Variants in BTAF1 observed in about 807,000 individuals in gnomAD.
BTAF1 encodes the protein TATA-binding protein-associated factor 172.
Under a neutral mutation model 227.1 loss-of-function variants are expected in BTAF1, and 38 were observed. That is an observed-to-expected ratio of 0.17 (90% CI 0.13 to 0.22). The LOEUF (loss-of-function observed/expected upper bound fraction) is 0.22. Ranked by LOEUF, BTAF1 falls within the 10% of genes least tolerant of loss-of-function variation. BTAF1 has a pLI of 1.00. For synonymous variants in BTAF1, 742 were observed against 751.9 expected, an observed-to-expected ratio of 0.99 and a Z score of 0.21; for missense variants, 1,598 against 2,204.0, an observed-to-expected ratio of 0.73 and a Z score of 5.51.
intron 35 of BTAF1, among the ~76,000 whole-genome samples, chr10:92,025,678 A>G (rs113313068): frequency 3.7e-4 from 57 of 152,096 alleles, no homozygotes; most frequent in African/African-American, 1.4e-3. Flanking sequence ...GTGGTGGCAC[A>G]TGCCTGTAAT....
chr10:91,933,657 TAA>T (rs2133783328), intron 1 of BTAF1, among the ~76,000 whole-genome samples: 1 of 152,334 alleles, frequency 6.6e-6, no homozygotes, highest in South Asian at 2.1e-4. Context: ...ATTTGGAGCC[TAA>T]GAGTTCATTG....
chr10:92,003,016 G>A (rs1054187938), intron 25 of BTAF1, among the ~76,000 whole-genome samples: 2 of 152,044 alleles, frequency 1.3e-5, no homozygotes, highest in African/African-American at 4.8e-5. Context: ...AGTTAGCTGG[G>A]CATGGTGGCA....
At chr10:91,991,775 A>ATG (rs376156562) in intron 20 of BTAF1, among the ~76,000 whole-genome samples, 56 of 81,484 alleles carry the variant, frequency 6.9e-4, no homozygotes, top group African/African-American at 3.6e-3. Flanking sequence ...AATTATATAT[A>ATG]TGTGTGTGTG....
intron 6 of BTAF1, among the ~76,000 whole-genome samples, chr10:91,955,449 G>A (rs1383031481): frequency 2.6e-5 from 4 of 152,046 alleles, no homozygotes; most frequent in African/African-American, 7.2e-5. Context: ...ATATATGTGT[G>A]TATATATATA....
At chr10:91,957,433 C>T (rs1846181644) in intron 8 of BTAF1, 140 bp downstream of exon 8, 1 of 495,790 alleles carries the variant, frequency 2.0e-6, no homozygotes, top group South Asian at 4.9e-5. Flanking sequence ...TATCATTGAC[C>T]TAAATAGAAA....
At chr10:91,977,601 G>A (rs1457362253) in intron 14 of BTAF1, among the ~76,000 whole-genome samples, 1 of 152,134 alleles carries the variant, frequency 6.6e-6, no homozygotes, top group Non-Finnish European at 1.5e-5. Context: ...ATATCAAGAA[G>A]CACAATTGCT....
At chr10:91,970,840 T>TAAGCTGA (rs938055603) in intron 14 of BTAF1, among the ~76,000 whole-genome samples, 4 of 152,196 alleles carry the variant, frequency 2.6e-5, no homozygotes, top group African/African-American at 9.6e-5. Context: ...AAAGACAAAC[T>TAAGCTGA]AAGCTGAAAG....
Position 92,007,982 on chromosome 10 carries a change from A to G in BTAF1, c.3661-141A>G, listed in dbSNP as rs372704253. On this transcript the variant is annotated intron_variant, in intron 25 of 37. Transcript: ENST00000265990. ...ATTGTAGCACCTTTAATGCTTGTCA[A>G]TTTCTTTAACCTGATTTGTCTTCAA... The G allele has an allele frequency of 6.3e-5, 47 of 743,262 alleles. 1 individual carries two copies. Among genetic ancestry groups the G allele is most frequent in the African/African-American group, 2.0e-4 (11 of 53,900 alleles). The allele number at this position is 743,262 out of a possible 1,614,324, so 46.0% of individuals were successfully genotyped here. A position where few individuals can be genotyped will look rare whatever the true frequency, so the allele number is the denominator to read the frequency against.
At chr10:92,007,322 G>A (rs774767176) in intron 25 of BTAF1, among the ~76,000 whole-genome samples, 2 of 144,538 alleles carry the variant, frequency 1.4e-5, no homozygotes, top group East Asian at 2.1e-4. Flanking sequence ...AGGTTCAAGC[G>A]ATTCTCCTGC....
intron 25 of BTAF1, among the ~76,000 whole-genome samples, chr10:92,002,161 C>T (rs894283925): frequency 3.3e-5 from 5 of 152,140 alleles, no homozygotes; most frequent in Non-Finnish European, 7.4e-5. Context: ...GCAGGTTAGA[C>T]ACTGTGGAAG....
At chr10:91,929,942 G>C (rs1844161229) in intron 1 of BTAF1, among the ~76,000 whole-genome samples, 1 of 152,044 alleles carries the variant, frequency 6.6e-6, no homozygotes, top group African/African-American at 2.4e-5. Flanking sequence ...TAAAAATTTA[G>C]AGATAAACTA....
At chr10:91,993,909 A>G in intron 22 of BTAF1, 62 bp downstream of exon 22, 1 of 1,272,426 alleles carries the variant, frequency 7.9e-7, no homozygotes, top group Middle Eastern at 2.8e-4. Flanking sequence ...AATTGAATAT[A>G]TCCTTATAAA....
intron 21 of BTAF1, among the ~76,000 whole-genome samples, chr10:91,992,720 A>G (rs1463780843): frequency 6.6e-6 from 1 of 152,188 alleles, no homozygotes; most frequent in African/African-American, 2.4e-5. Flanking sequence ...TATTTTTCAT[A>G]TGAACAGCCA....
chr10:91,924,012 GAA>G lies in BTAF1; in HGVS notation c.-63_-62del. 1.9e-6 allele frequency: 3 copies of G among 1,578,856 alleles called. No homozygotes were observed. The highest frequency in any genetic ancestry group is 2.6e-6 in the Non-Finnish European group (3 of 1,166,058). ...TGGGCCTGCGCCGCTCAGCTCTCTG[GAA>G]ACTAGCGCCTCAGCTGCGCGGCGCG... On this transcript the variant is annotated 5_prime_UTR_variant, in exon 1 of 38. It removes the in-frame stop codon of an upstream open reading frame in the 5' UTR. Coordinates refer to ENST00000265990, the MANE Select transcript of BTAF1 (RefSeq NM_003972.3).
intron 18 of BTAF1, among the ~76,000 whole-genome samples, chr10:91,983,844 GT>G (rs940339295): frequency 3.7e-4 from 56 of 151,116 alleles, no homozygotes; most frequent in African/African-American, 1.4e-3. Context: ...CTAATAATGA[GT>G]TTTTAAATAA....
Position 92,016,307 on chromosome 10 carries a change from CT to C in BTAF1, c.4585-31del. On this transcript the variant is annotated intron_variant, in intron 32 of 37. Coordinates refer to ENST00000265990, the MANE Select transcript of BTAF1 (RefSeq NM_003972.3). ...TTTTGAACAATTGAAAATAAATATA[CT>C]TAAAGCTTCTCCCACGGGGGCCATT... The C allele has an allele frequency of 2.5e-6, 4 of 1,575,112 alleles. No individual in the cohort carries two copies. In the South Asian group the frequency reaches 4.9e-5, roughly 19 times the overall value.
At position 91,924,043 on chromosome 10, in the gene BTAF1, G is replaced by T. The variant is rs745851001; in HGVS notation, c.-34G>T. 2.5e-6 allele frequency: 4 copies of T among 1,603,642 alleles called. No homozygotes were observed. The South Asian group carries it at 3.4e-5, about 13-fold the overall frequency. On this transcript the variant is annotated 5_prime_UTR_variant, in exon 1 of 38. Transcript: ENST00000265990. ...AGCGCCTCAGCTGCGCGGCGCGTAG[G>T]TCGCGGGGAGCTCCGAACCGCCGGC...
intron 25 of BTAF1, among the ~76,000 whole-genome samples, chr10:92,003,344 G>A (rs1589939402): frequency 2.0e-5 from 3 of 152,134 alleles, no homozygotes; most frequent in East Asian, 3.8e-4. Flanking sequence ...TCTACAGAAT[G>A]TATTCATTCT....
Position 92,014,354 on chromosome 10 carries a change from A to G in BTAF1, c.4584+325A>G, listed in dbSNP as rs182568622. On this transcript the variant is annotated intron_variant, in intron 32 of 37. Coordinates refer to ENST00000265990, the MANE Select transcript of BTAF1 (RefSeq NM_003972.3). ...GTGATTCTCCAGCCTCAGTCCCCCAAGTAGCTGGGACTGCAGGCACATATC... is the reference window on the plus strand; with the variant it reads ...GTGATTCTCCAGCCTCAGTCCCCCAGGTAGCTGGGACTGCAGGCACATATC... Among the ~76,000 whole-genome samples, 204 of 152,164 alleles carry G rather than the reference A, an allele frequency of 1.3e-3. 1 individual carries two copies. Among genetic ancestry groups the G allele is most frequent in the Admixed American group, 2.3e-3 (35 of 15,288 alleles).
Sources: gnomAD v4.1 joint callset for allele counts (sites outside exome capture counted in the v4.1 genomes callset) on GRCh38, gnomAD v4.1.1 for gene constraint, MANE v1.5 for transcripts, NCBI Gene and HGNC (gene_info 2026-07-23, HGNC 2026-07-21) for gene names.